The following LOXL2 variants were observed in gnomAD, a reference collection of about 807,000 sequenced individuals.
LOXL2 encodes lysyl oxidase homolog 2.
Under a neutral mutation model 93.0 loss-of-function variants are expected in LOXL2, and 70 were observed. The ratio of observed to expected loss-of-function variants is 0.75; its 90% CI spans 0.62 to 0.92. The LOEUF is 0.92. Ranked by LOEUF, LOXL2 falls within the 40% of genes least tolerant of loss-of-function variation. The pLI is 0.00. For synonymous variants in LOXL2, 438 were observed against 413.2 expected (o/e 1.06, Z -0.73); for missense variants, 973 against 1,054.9 (o/e 0.92, Z 1.08).
At chr8:23,347,373 A>G (rs964075094) in intron 3 of LOXL2, among the ~76,000 whole-genome samples, 9 of 148,494 alleles carry the variant, frequency 6.1e-5, no homozygotes, top group African/African-American at 2.0e-4. Flanking sequence ...AAATAAATAA[A>G]TAGGTGGGGC....
intron 6 of LOXL2, among the ~76,000 whole-genome samples, chr8:23,323,188 G>A (rs1803524334): frequency 6.6e-6 from 1 of 152,226 alleles, no homozygotes. Context: ...GGTGATGGTG[G>A]CTGGAAGCAT....
Position 23,333,468 on chromosome 8 carries a change from C to G in LOXL2, c.899G>C (p.Ser300Thr), listed in dbSNP as rs1273151489. 1.2e-6 allele frequency: 2 copies of G among 1,613,994 alleles called. No individual in the cohort carries two copies. The highest frequency in any genetic ancestry group is 1.7e-6 in the Non-Finnish European group (2 of 1,180,048). ...GCTGAAGACCTGCCCAGGCACACAA[C>G]TCACCACGGCCGGTAGCCCATTCTC... ...TCENGLPAVV[S>T]CVPGQVFSPD... Residue 300 changes from serine (S) to threonine (T), a missense_variant, in exon 5 of 14, where the codon AGT (serine) becomes ACT (threonine). By Grantham distance (58) the Ser-to-Thr change is moderately conservative (BLOSUM62 1). Coordinates refer to ENST00000389131, the MANE Select transcript of LOXL2 (RefSeq NM_002318.3).
chr8:23,319,847 G>A (rs374313196), intron 8 of LOXL2, 38 bp downstream of exon 8: 2 of 1,599,590 alleles, frequency 1.3e-6, no homozygotes, highest in Non-Finnish European at 1.7e-6. Context: ...CAGACTGCAT[G>A]GGGGGTGAAT....
intron 3 of LOXL2, among the ~76,000 whole-genome samples, chr8:23,352,005 G>A (rs1804101736): frequency 6.6e-6 from 1 of 152,144 alleles, no homozygotes; most frequent in African/African-American, 2.4e-5. Flanking sequence ...AGAGATGGGG[G>A]TCTCGTCACG....
At chr8:23,402,794 T>C (rs1026196451) in intron 1 of LOXL2, 6 of 150,208 alleles carry the variant, frequency 4.0e-5, no homozygotes, top group South Asian at 2.1e-4. Flanking sequence ...AAAAAAAAAG[T>C]ATTGTTTTTG....
intron 3 of LOXL2, among the ~76,000 whole-genome samples, chr8:23,348,023 TA>T (rs1435235095): frequency 6.6e-6 from 1 of 150,750 alleles, no homozygotes; most frequent in African/African-American, 2.4e-5. Flanking sequence ...AAAGTATAAT[TA>T]AAAAAAAGAA....
chr8:23,319,259 T>C (rs1353065056), intron 8 of LOXL2, among the ~76,000 whole-genome samples: 2 of 146,588 alleles, frequency 1.4e-5, no homozygotes, highest in Non-Finnish European at 3.0e-5. Context: ...AGCCTCCTAT[T>C]TTGTTGCTGC....
chr8:23,312,532 G>T (rs1314881059), intron 9 of LOXL2, among the ~76,000 whole-genome samples: 1 of 135,798 alleles, frequency 7.4e-6, no homozygotes, highest in Non-Finnish European at 1.5e-5. Context: ...CATATAAACA[G>T]AACCAAAGAT....
chr8:23,377,846 A>T (rs1390578297), intron 1 of LOXL2, among the ~76,000 whole-genome samples: 1 of 151,950 alleles, frequency 6.6e-6, no homozygotes, highest in African/African-American at 2.4e-5. Context: ...TGCACGTGAG[A>T]TGGGTCTCCT....
chr8:23,339,812 G>T (rs901497508), intron 4 of LOXL2, among the ~76,000 whole-genome samples: 1 of 152,218 alleles, frequency 6.6e-6, no homozygotes, highest in Non-Finnish European at 1.5e-5. Context: ...CCAGCCTGGG[G>T]TGTTGTGTGC....
chr8:23,309,795 C>A lies in LOXL2; in HGVS notation c.1753G>T (p.Ala585Ser). The part of the protein sequence containing the change: ...MEENCLSASA[A>S]QTDPTTGYRR... The stretch of plus-strand genomic sequence containing the variant: ...TAGCCCGTGGTGGGGTCGGTCTGCG[C>A]GGCTGAGGCCGAGAGGCAGTTCTCC... Residue 585 changes from alanine (A) to serine (S), a missense_variant, in exon 10 of 14, where the codon GCG becomes TCG. Physicochemically the swap from Ala to Ser is moderately conservative, Grantham distance 99. Coordinates refer to ENST00000389131, the MANE Select transcript of LOXL2 (RefSeq NM_002318.3). 6.2e-7 allele frequency: 1 copy of A among 1,603,672 alleles called. No individual in the cohort carries two copies. Among genetic ancestry groups the A allele is most frequent in the African/African-American group, 1.3e-5 (1 of 74,676 alleles).
At chr8:23,368,479 G>C in intron 1 of LOXL2, 45 bp from the exon 2 acceptor site, 1 of 752,712 alleles carries the variant, frequency 1.3e-6, no homozygotes, top group Non-Finnish European at 2.3e-6. Context: ...GTGGGGCTAC[G>C]GAGACCTACA....
At chr8:23,359,744 C>G (rs1318520966) in intron 3 of LOXL2, among the ~76,000 whole-genome samples, 1 of 152,258 alleles carries the variant, frequency 6.6e-6, no homozygotes, top group Non-Finnish European at 1.5e-5. Flanking sequence ...AAAGGGCAAG[C>G]TCCTGAGCAT....
chr8:23,400,419 T>C (rs1249750327), intron 1 of LOXL2, among the ~76,000 whole-genome samples: 1 of 151,996 alleles, frequency 6.6e-6, no homozygotes, highest in Non-Finnish European at 1.5e-5. Flanking sequence ...GAGATTTACT[T>C]CTCAGGGGAA....
At chr8:23,359,982 C>G in intron 3 of LOXL2, 108 bp downstream of exon 3, 1 of 1,030,370 alleles carries the variant, frequency 9.7e-7, no homozygotes, top group Non-Finnish European at 1.5e-6. Context: ...GGGTGAGGTA[C>G]CCTCCTTCCT....
At chr8:23,379,538 A>T (rs1222671403) in intron 1 of LOXL2, among the ~76,000 whole-genome samples, 1 of 152,184 alleles carries the variant, frequency 6.6e-6, no homozygotes, top group Non-Finnish European at 1.5e-5. Flanking sequence ...CCAGAGGTGG[A>T]GTCTACAGAG....
intron 1 of LOXL2, among the ~76,000 whole-genome samples, chr8:23,398,303 C>T (rs576851506): frequency 6.6e-6 from 1 of 152,334 alleles, no homozygotes; most frequent in South Asian, 2.1e-4. Flanking sequence ...TTGTTGGCAA[C>T]ACATCAAGGA....
At position 23,297,239 on chromosome 8, in the gene LOXL2, A is replaced by ATGG. The variant is rs1803045854; in HGVS notation, c.*801_*803dup. ...TATGTGTAAGTGTCTGTGATGACAC[A>ATGG]TGGTGCTCAGTGAGCGCCCTGTCAC... On this transcript the variant is annotated 3_prime_UTR_variant, in exon 14 of 14. Coordinates refer to ENST00000389131, the MANE Select transcript of LOXL2 (RefSeq NM_002318.3). 6.6e-6 allele frequency: 1 copy of ATGG among 152,204 alleles called. No individual in the cohort carries two copies. The highest frequency in any genetic ancestry group is 2.4e-5 in the African/African-American group (1 of 41,442). 9.4% of individuals were successfully genotyped at this position (152,204 alleles called of 1,614,324 possible). A position where few individuals can be genotyped will look rare whatever the true frequency, so the allele number is the denominator to read the frequency against.
intron 12 of LOXL2, among the ~76,000 whole-genome samples, chr8:23,299,815 G>A (rs1262436439): frequency 6.6e-6 from 1 of 152,202 alleles, no homozygotes; most frequent in Non-Finnish European, 1.5e-5. Flanking sequence ...GCCCCAGAAG[G>A]GCCTGGACAC....
Sources: allele counts gnomAD v4.1 joint callset (sites outside exome capture counted in the v4.1 genomes callset), GRCh38; gene constraint gnomAD v4.1.1; transcripts MANE v1.5; gene names NCBI Gene and HGNC (gene_info 2026-07-23, HGNC 2026-07-21).